POLE2: variants seen among roughly 807,000 people sequenced by gnomAD.
POLE2 encodes DNA polymerase epsilon subunit 2.
POLE2 carries 56 observed loss-of-function variants against 79.4 expected under a neutral mutation model. The observed-to-expected ratio is 0.71, with a 90% CI of 0.57 to 0.88. The LOEUF (loss-of-function observed/expected upper bound fraction) is 0.88. Ranked by LOEUF, POLE2 falls within the 40% of genes least tolerant of loss-of-function variation. The pLI, the probability that POLE2 is intolerant of heterozygous loss-of-function variation, is 0.00. For missense variants in POLE2, 598 were observed against 638.9 expected (o/e 0.94, Z 0.69); for synonymous variants, 212 against 214.0 (o/e 0.99, Z 0.08).
intron 13 of POLE2, among the ~76,000 whole-genome samples, 157 bp downstream of exon 13, chr14:49,654,627 T>G (rs1004231324): frequency 6.6e-6 from 1 of 152,208 alleles, no homozygotes; most frequent in African/African-American, 2.4e-5. Context: ...AAACCTCTAG[T>G]ACAATGTGAG....
intron 1 of POLE2, among the ~76,000 whole-genome samples, chr14:49,687,079 T>C (rs955133026): frequency 1.3e-5 from 2 of 150,408 alleles, no homozygotes; most frequent in Non-Finnish European, 1.5e-5. Flanking sequence ...AGCCCAGGAG[T>C]TCAAGACCAG....
chr14:49,650,490 G>A, intron 16 of POLE2, 49 bp from the exon 17 acceptor site: 2 of 1,227,646 alleles, frequency 1.6e-6, no homozygotes, highest in Non-Finnish European at 2.1e-6. Context: ...TTGCAAAAGT[G>A]AAAATAGCTA....
chr14:49,673,320 A>G (rs1886026658), intron 5 of POLE2, among the ~76,000 whole-genome samples: 2 of 152,162 alleles, frequency 1.3e-5, no homozygotes, highest in Non-Finnish European at 2.9e-5. Flanking sequence ...ATTCCAAAGC[A>G]CCTCACACAA....
intron 15 of POLE2, chr14:49,651,581 G>A (rs760888070): frequency 5.3e-6 from 2 of 377,466 alleles, no homozygotes; most frequent in Non-Finnish European, 4.7e-6. Flanking sequence ...AGGGATTAGC[G>A]AACAGAACCA....
intron 1 of POLE2, among the ~76,000 whole-genome samples, chr14:49,684,234 G>C (rs187957381): frequency 6.6e-6 from 1 of 152,080 alleles, no homozygotes; most frequent in Non-Finnish European, 1.5e-5. Context: ...AGGCCGAGGC[G>C]GGCGGATCAT....
At chr14:49,678,003 A>T (rs11847708) in intron 3 of POLE2, 4,646 of 146,802 alleles carry the variant, frequency 0.032, 139 homozygotes, top group African/African-American at 0.072. Context: ...TATTTATTTT[A>T]TTTTTTTTTT....
intron 1 of POLE2, among the ~76,000 whole-genome samples, chr14:49,685,675 G>C (rs1457454741): frequency 6.6e-6 from 1 of 151,994 alleles, no homozygotes; most frequent in Non-Finnish European, 1.5e-5. Context: ...CTGAAGTGCA[G>C]TGGCGTAATC....
intron 10 of POLE2, among the ~76,000 whole-genome samples, chr14:49,662,349 G>C (rs1219048595): frequency 2.0e-5 from 3 of 152,226 alleles, no homozygotes; most frequent in African/African-American, 7.2e-5. Flanking sequence ...CCAGGCTGGA[G>C]TACAGTGGTG....
intron 9 of POLE2, among the ~76,000 whole-genome samples, chr14:49,664,178 G>A (rs543705836): frequency 2.4e-4 from 36 of 151,824 alleles, no homozygotes; most frequent in South Asian, 2.1e-3. Flanking sequence ...GTGAAACCCC[G>A]TCTCTACTAA....
chr14:49,670,317 CAA>C (rs61383006), intron 5 of POLE2, among the ~76,000 whole-genome samples: 53 of 59,096 alleles, frequency 9.0e-4, no homozygotes, highest in African/African-American at 3.0e-3. Flanking sequence ...ACTGTGTCTC[CAA>C]AAAAAAAAAA....
At chr14:49,655,135 TAC>T (rs776710864) in intron 11 of POLE2, 41 bp from the exon 12 acceptor site, 2 of 963,464 alleles carry the variant, frequency 2.1e-6, no homozygotes, top group African/African-American at 3.4e-5. Context: ...TTTTCTAGTC[TAC>T]AAATCAAGTT....
chr14:49,676,960 T>C (rs994520074), intron 3 of POLE2, among the ~76,000 whole-genome samples: 13 of 152,242 alleles, frequency 8.5e-5, no homozygotes, highest in Admixed American at 3.3e-4. Flanking sequence ...CAGACAGTCC[T>C]TGAGGAGGAT....
Position 49,688,152 on chromosome 14 carries a change from C to T in POLE2, c.52G>A (p.Gly18Ser). Residue 18 changes from glycine to serine, a missense_variant, in exon 1 of 19, where the codon GGC (glycine) becomes AGC (serine). Coordinates refer to ENST00000216367, the MANE Select transcript of POLE2 (RefSeq NM_002692.4). ...CCCACTCACCCACGGAGCAGCAAGC[C>T]CCGCAACTTGAAGGCGGAGAGCGCC... ...SRALSAFKLR[G>S]LLLRGEAIKY... The T allele has an allele frequency of 6.4e-7, 1 of 1,557,196 alleles. No homozygotes were observed. Among genetic ancestry groups the T allele is most frequent in the Non-Finnish European group, 8.7e-7 (1 of 1,152,858 alleles).
At chr14:49,664,507 A>G (rs1211659102) in intron 9 of POLE2, 119 bp downstream of exon 9, 2 of 727,848 alleles carry the variant, frequency 2.7e-6, no homozygotes, top group Non-Finnish European at 4.9e-6. Flanking sequence ...TATTTTGCCA[A>G]AAATATGCTC....
At position 49,664,686 on chromosome 14, in the gene POLE2, T is replaced by G. The variant is rs1464783787; in HGVS notation, c.634-12A>C. On this transcript the variant is annotated splice_polypyrimidine_tract_variant and intron_variant, in intron 8 of 18. Transcript: ENST00000216367. ...CCACTATGGAACTGGTACACAACAG[T>G]TGAGGAAAATAATTCTATTCTTGAG... 1 of 1,540,140 alleles carries G rather than the reference T, an allele frequency of 6.5e-7. No individual in the cohort carries two copies. Among genetic ancestry groups the G allele is most frequent in the South Asian group, 1.1e-5 (1 of 88,976 alleles).
intron 10 of POLE2, among the ~76,000 whole-genome samples, chr14:49,662,456 G>C (rs1053546583): frequency 1.3e-5 from 2 of 152,134 alleles, no homozygotes; most frequent in Non-Finnish European, 2.9e-5. Flanking sequence ...AGAATCTCAT[G>C]GTTAGAAGGC....
chr14:49,686,027 C>G (rs1220303373), intron 1 of POLE2, among the ~76,000 whole-genome samples: 1 of 152,048 alleles, frequency 6.6e-6, no homozygotes, highest in Admixed American at 6.6e-5. Context: ...CTCTCATAGC[C>G]CTTCTTTCCT....
Position 49,650,348 on chromosome 14 carries a change from A to T in POLE2, c.1414T>A (p.Tyr472Asn). 1 of 1,611,418 alleles carries T rather than the reference A, an allele frequency of 6.2e-7. No individual in the cohort carries two copies. The highest frequency in any genetic ancestry group is 8.5e-7 in the Non-Finnish European group (1 of 1,178,344). The part of the protein sequence containing the change: ...YWAYDYALRV[Y>N]PVPDLLVIAD... ...ATGACAAGTAGATCGGGCACAGGATACACTCTCAAAGCATAGTCATATGCC... is the reference window on the plus strand; with the variant it reads ...ATGACAAGTAGATCGGGCACAGGATTCACTCTCAAAGCATAGTCATATGCC... The change falls in exon 17 of 19, where the codon TAT becomes AAT. Residue 472 changes from tyrosine to asparagine, a missense_variant. Tyr to Asn is a moderately radical substitution (Grantham distance 143). Coordinates refer to ENST00000216367, the MANE Select transcript of POLE2 (RefSeq NM_002692.4).
At chr14:49,684,553 G>T (rs560262793) in intron 1 of POLE2, 1 of 151,150 alleles carries the variant, frequency 6.6e-6, no homozygotes, top group Non-Finnish European at 1.5e-5. Flanking sequence ...TGTGTTATAC[G>T]AAAGGAGAGG....
Sources: gnomAD v4.1 joint callset for allele counts (sites outside exome capture counted in the v4.1 genomes callset) on GRCh38, gnomAD v4.1.1 for gene constraint, MANE v1.5 for transcripts, NCBI Gene and HGNC (gene_info 2026-07-23, HGNC 2026-07-21) for gene names.